The following DYSF variants were observed in gnomAD, a reference collection of about 807,000 sequenced individuals.
DYSF encodes the protein dysferlin, also known as dystrophy-associated fer-1-like 1.
DYSF carries 212 observed loss-of-function variants against 274.9 expected under a neutral mutation model. The ratio of observed to expected loss-of-function variants is 0.77; its 90% CI spans 0.69 to 0.86. The LOEUF is 0.86. Among genes scored for constraint, DYSF ranks in the 40% least tolerant of loss-of-function variants. The pLI is 0.00. For synonymous variants in DYSF, 1,091 were observed against 1,078.7 expected (o/e 1.01, Z -0.22); for missense variants, 2,666 against 2,783.2 (o/e 0.96, Z 0.95).
intron 17 of DYSF, among the ~76,000 whole-genome samples, chr2:71,547,025 G>A (rs552005187): frequency 9.2e-5 from 14 of 152,370 alleles, no homozygotes; most frequent in African/African-American, 3.4e-4. Context: ...CCACAGAACT[G>A]GGAGCATTCA....
At chr2:71,621,093 C>T (rs946715676) in intron 41 of DYSF, among the ~76,000 whole-genome samples, 14 of 152,202 alleles carry the variant, frequency 9.2e-5, no homozygotes, top group Admixed American at 7.8e-4. Context: ...CCTGCAGTTT[C>T]CAGCAGGGCT....
At chr2:71,614,789 G>C (rs1308266329) in intron 40 of DYSF, among the ~76,000 whole-genome samples, 1 of 152,208 alleles carries the variant, frequency 6.6e-6, no homozygotes, top group African/African-American at 2.4e-5. Flanking sequence ...TTGATGGATG[G>C]ATGGACGAAT....
intron 51 of DYSF, among the ~76,000 whole-genome samples, chr2:71,672,033 G>C (rs957128389): frequency 3.9e-5 from 6 of 152,168 alleles, no homozygotes; most frequent in African/African-American, 1.4e-4. Context: ...GAAGGCCAGA[G>C]GGGAAGGGAC....
chr2:71,635,172 C>T (rs11679653), intron 41 of DYSF, among the ~76,000 whole-genome samples: 1 of 152,168 alleles, frequency 6.6e-6, no homozygotes, highest in African/African-American at 2.4e-5. Context: ...GTGTGCGGTG[C>T]CTTATCAGAA....
At position 71,600,841 on chromosome 2, in the gene DYSF, A is replaced by G. The variant is rs2093532871; in HGVS notation, c.3896A>G (p.Lys1299Arg). ...LASFELIQRE[K>R]PAIHHIPGFE... ...TCTTTTGAGCTCATCCAGAGAGAGA[A>G]GGTGAGGCTGGTCTATATCCAGATC... Residue 1299 changes from lysine to arginine, a missense_variant and splice_region_variant, in exon 34 of 56, where the codon AAG becomes AGG. By Grantham distance (26) the Lys-to-Arg change is conservative. This residue lies in a region of DYSF where 1,460 missense variants were observed against 1,502.1 expected (regional missense o/e 0.97). Transcript: ENST00000410020. 1.9e-6 allele frequency: 3 copies of G among 1,610,490 alleles called. No homozygotes were observed. The East Asian group carries it at 6.7e-5, about 36-fold the overall frequency.
intron 42 of DYSF, among the ~76,000 whole-genome samples, chr2:71,654,053 A>G (rs2094721143): frequency 1.3e-5 from 2 of 152,220 alleles, no homozygotes; most frequent in East Asian, 1.9e-4. Flanking sequence ...AGTCTCTCAA[A>G]TCACCACAGA....
rs775213642 is a variant in DYSF at position 71,601,488 on chromosome 2, C to CTGA, written c.3898-10_3898-9insGAT. On this transcript the variant is annotated splice_polypyrimidine_tract_variant and intron_variant, in intron 34 of 55. Coordinates refer to ENST00000410020, the MANE Select transcript of DYSF (RefSeq NM_001130987.2). ...AAGCACATGACCAGAGCTCTCTTTT[C>CTGA]TTCACTCCAGCCGGCCATCCACCAT... 29 of 1,614,072 alleles carry CTGA rather than the reference C, an allele frequency of 1.8e-5. No homozygotes were observed. The highest frequency in any genetic ancestry group is 2.4e-5 in the Non-Finnish European group (28 of 1,180,030).
At chr2:71,577,530 ACT>A (rs200882407) in intron 30 of DYSF, among the ~76,000 whole-genome samples, 1 of 143,498 alleles carries the variant, frequency 7.0e-6, no homozygotes, top group Non-Finnish European at 1.5e-5. Context: ...CAGCCCCCCC[ACT>A]CTCACACTAA....
At chr2:71,507,824 T>C (rs12468750) in intron 4 of DYSF, among the ~76,000 whole-genome samples, 1 of 152,084 alleles carries the variant, frequency 6.6e-6, no homozygotes, top group Non-Finnish European at 1.5e-5. Flanking sequence ...TTAATTCTCT[T>C]CTGTTTCCAT....
At chr2:71,623,286 T>C (rs918342935) in intron 41 of DYSF, among the ~76,000 whole-genome samples, 2 of 151,556 alleles carry the variant, frequency 1.3e-5, no homozygotes, top group African/African-American at 4.9e-5. Context: ...TAACTCGTCA[T>C]CTAGCATTAG....
chr2:71,483,364 C>T (rs1033779349), intron 3 of DYSF, among the ~76,000 whole-genome samples: 3 of 152,322 alleles, frequency 2.0e-5, no homozygotes, highest in East Asian at 3.9e-4. Context: ...ACCCGCAGAT[C>T]AGGGAGGGAG....
At chr2:71,480,466 A>G (rs1285561983) in intron 1 of DYSF, among the ~76,000 whole-genome samples, 1 of 152,144 alleles carries the variant, frequency 6.6e-6, no homozygotes, top group Non-Finnish European at 1.5e-5. Flanking sequence ...AGGTGAGAGG[A>G]TAGCTTGATC....
At chr2:71,661,629 G>A (rs1347467534) in intron 45 of DYSF, among the ~76,000 whole-genome samples, 4 of 152,200 alleles carry the variant, frequency 2.6e-5, no homozygotes, top group Non-Finnish European at 1.5e-5. Context: ...TAATTCCTAG[G>A]CATCCTGAAT....
Position 71,623,070 on chromosome 2 carries a change from A to G in DYSF, c.4527+2461A>G, listed in dbSNP as rs540721495. Among the ~76,000 whole-genome samples the G allele has an allele frequency of 5.8e-4, 89 of 152,336 alleles. 2 individuals carry two copies. The South Asian group carries it at 0.017, about 29-fold the overall frequency. ...TCCTGGGGTAAACCCAAATCGGTCA[A>G]TTGGTCATGGTATTATAGTTTACTA... On this transcript the variant is annotated intron_variant, in intron 41 of 55. Transcript: ENST00000410020.
intron 29 of DYSF, among the ~76,000 whole-genome samples, chr2:71,571,753 GCACACACAGATCACACCCAGCA>G (rs1301813368): frequency 9.7e-5 from 11 of 113,932 alleles, no homozygotes; most frequent in South Asian, 9.0e-4. Flanking sequence ...ATCACAGTCA[GCACACACAGATCACACCCAGCA>G]CACACACAGA....
In DYSF at chr2:71,551,110, A is replaced by G. The variant is rs1042441672; in HGVS notation, c.1646A>G (p.Glu549Gly). ...CYINLYGSPREFTGFPDPYTE... is the reference protein window; with the variant it reads ...CYINLYGSPRGFTGFPDPYTE... Reference sequence around the variant, plus strand: ...ATCAACCTCTATGGCAGTCCCAGAGAGTTCACAGGCTTCCCAGACCCCTAC... The same window carrying G: ...ATCAACCTCTATGGCAGTCCCAGAGGGTTCACAGGCTTCCCAGACCCCTAC... Residue 549 changes from glutamate (E) to glycine (G), a missense_variant, in exon 18 of 56, where the codon GAG (glutamate) becomes GGG (glycine). Physicochemically the swap from Glu to Gly is moderately conservative, Grantham distance 98. Around this residue, in one of 3 missense-constraint regions of DYSF, gnomAD observed 794 missense variants for 777.1 expected, o/e 1.02. Transcript: ENST00000410020. The G allele has an allele frequency of 3.7e-6, 6 of 1,614,018 alleles. No individual in the cohort carries two copies. Among genetic ancestry groups the G allele is most frequent in the Non-Finnish European group, 3.4e-6 (4 of 1,180,010 alleles).
Position 71,539,225 on chromosome 2 carries a change from G to A in DYSF, c.1562G>A (p.Gly521Glu), listed in dbSNP as rs1450585616. 2.5e-6 allele frequency: 4 copies of A among 1,614,062 alleles called. No individual in the cohort carries two copies. The South Asian group carries it at 4.4e-5, about 18-fold the overall frequency. Residue 521 changes from glycine to glutamate, a missense_variant, in exon 17 of 56, where the codon GGA becomes GAA. Gly to Glu is a moderately conservative substitution (Grantham distance 98, BLOSUM62 -2). This residue lies in a region of DYSF where 794 missense variants were observed against 777.1 expected (regional missense o/e 1.02). Coordinates refer to ENST00000410020, the MANE Select transcript of DYSF (RefSeq NM_001130987.2). ...AGTATGTCGAAAATCTCTGCCCCTG[G>A]AGGAGAAATAGAAGGTATGTTCCCT... ...YLSMSKISAP[G>E]GEIEVDDYLG...
intron 3 of DYSF, among the ~76,000 whole-genome samples, chr2:71,482,658 A>T (rs1426673532): frequency 1.3e-5 from 2 of 151,980 alleles, no homozygotes; most frequent in Non-Finnish European, 2.9e-5. Flanking sequence ...GGGGTGGACA[A>T]GTTCAACCCA....
In DYSF at chr2:71,682,494, A is replaced by G. The variant is rs755952439; in HGVS notation, c.6174-36A>G. Reference sequence around the variant, plus strand: ...AGTTTGGAGAAAGCAGCCCTAGTAAAGGATGCCCAGTTGACCTCCGGGATC... The same window carrying G: ...AGTTTGGAGAAAGCAGCCCTAGTAAGGGATGCCCAGTTGACCTCCGGGATC... On this transcript the variant is annotated intron_variant, in intron 54 of 55. Coordinates refer to ENST00000410020, the MANE Select transcript of DYSF (RefSeq NM_001130987.2). 1.2e-5 allele frequency: 20 copies of G among 1,613,942 alleles called. No individual in the cohort carries two copies. The East Asian group carries it at 4.2e-4, about 34-fold the overall frequency.
Sources: gnomAD v4.1 joint callset for allele counts (sites outside exome capture counted in the v4.1 genomes callset) on GRCh38, gnomAD v4.1.1 for gene constraint, gnomAD v4.1.1 regional missense constraint, MANE v1.5 for transcripts, NCBI Gene and HGNC (gene_info 2026-07-23, HGNC 2026-07-21) for gene names.